The following SLC25A28 variants were observed in gnomAD, a reference collection of about 807,000 sequenced individuals.
The protein encoded by SLC25A28 is mitoferrin-2.
SLC25A28 carries 10 observed loss-of-function variants against 31.9 expected under a neutral mutation model. The observed-to-expected ratio is 0.31, with a 90% CI of 0.19 to 0.53. The LOEUF (loss-of-function observed/expected upper bound fraction) is 0.53. SLC25A28 is among the 20% of genes least tolerant of loss of function. SLC25A28 has a pLI of 0.95. For synonymous variants in SLC25A28, 208 were observed against 203.6 expected, an observed-to-expected ratio of 1.02 and a Z score of -0.19; for missense variants, 256 against 490.3, an observed-to-expected ratio of 0.52 and a Z score of 4.51.
chr10:99,642,339 G>C, the SLC25A28 span, among the ~76,000 whole-genome samples: 1 of 152,022 alleles, frequency 6.6e-6, no homozygotes, highest in Non-Finnish European at 1.5e-5. Context: ...ATTGTGTATG[G>C]TAGTTCACTC....
In SLC25A28 at chr10:99,612,608, A is replaced by G; in HGVS notation, c.521-9T>C. Reference sequence around the variant, plus strand: ...CACACACCCGGCCGCACCTGCAAACAAGAAAACAACTGCCACATGTAAGGC... The same window carrying G: ...CACACACCCGGCCGCACCTGCAAACGAGAAAACAACTGCCACATGTAAGGC... On this transcript the variant is annotated splice_polypyrimidine_tract_variant and intron_variant, in intron 2 of 3. Coordinates refer to ENST00000370495, the MANE Select transcript of SLC25A28 (RefSeq NM_031212.4). 1.2e-6 allele frequency: 2 copies of G among 1,614,148 alleles called. No homozygotes were observed. The highest frequency in any genetic ancestry group is 1.3e-5 in the African/African-American group (1 of 75,036).
the SLC25A28 span, among the ~76,000 whole-genome samples, chr10:99,635,272 T>A: frequency 6.6e-6 from 1 of 151,958 alleles, no homozygotes; most frequent in African/African-American, 2.4e-5. Context: ...AAAACCAAGG[T>A]ACACAGACCA....
chr10:99,642,992 A>G, the SLC25A28 span, among the ~76,000 whole-genome samples: 1 of 152,128 alleles, frequency 6.6e-6, no homozygotes, highest in African/African-American at 2.4e-5. Flanking sequence ...GGATTTTTGC[A>G]TCGATGTTCA....
intron 1 of SLC25A28, chr10:99,617,880 AAT>A: frequency 1.5e-6 from 1 of 683,498 alleles, no homozygotes; most frequent in Non-Finnish European, 1.8e-6. Flanking sequence ...TGTTCTTCAA[AAT>A]AGTTACCTTG....
In SLC25A28 at chr10:99,610,587, G is replaced by C; in HGVS notation, c.*262C>G. On this transcript the variant is annotated 3_prime_UTR_variant, in exon 4 of 4. Transcript: ENST00000370495. Reference sequence around the variant, plus strand: ...CTGCTTATCCCTCTATAACAGTCTAGAGCAGGTCATCAGGCCCAGGATGGA... The same window carrying C: ...CTGCTTATCCCTCTATAACAGTCTACAGCAGGTCATCAGGCCCAGGATGGA... 3.9e-6 allele frequency: 2 copies of C among 516,922 alleles called. No individual in the cohort carries two copies. Among genetic ancestry groups the C allele is most frequent in the Non-Finnish European group, 3.5e-6 (1 of 285,552 alleles). 32.0% of individuals were successfully genotyped at this position (516,922 alleles called of 1,614,324 possible).
the SLC25A28 span, among the ~76,000 whole-genome samples, chr10:99,659,259 G>A: frequency 1.4e-3 from 206 of 152,374 alleles, 1 homozygote; most frequent in African/African-American, 4.8e-3. This position sits in a 1 kb window ranked among gnomAD's most constrained non-coding sequence, Gnocchi z 4.1. Flanking sequence ...TGAGCTCTCC[G>A]CGGGCCCTGC....
chr10:99,652,605 T>C, the SLC25A28 span, among the ~76,000 whole-genome samples: 1 of 152,078 alleles, frequency 6.6e-6, no homozygotes, highest in Admixed American at 6.6e-5. Flanking sequence ...AATGACATGC[T>C]ACACATGAGG....
chr10:99,634,935 A>G, the SLC25A28 span, among the ~76,000 whole-genome samples: 2 of 152,252 alleles, frequency 1.3e-5, no homozygotes, highest in Non-Finnish European at 2.9e-5. Flanking sequence ...CATCAGATTA[A>G]CAGCAGATTT....
intron 1 of SLC25A28, chr10:99,619,087 G>T (rs1431528096): frequency 2.0e-6 from 2 of 985,248 alleles, no homozygotes; most frequent in Non-Finnish European, 2.4e-6. Context: ...GAACTGTAAA[G>T]AACAATAATC....
the SLC25A28 span, among the ~76,000 whole-genome samples, chr10:99,658,315 C>T: frequency 6.6e-6 from 1 of 152,124 alleles, no homozygotes; most frequent in East Asian, 1.9e-4. Flanking sequence ...GGTGGTCTTC[C>T]TCCCCGATCC....
At chr10:99,618,429 A>C in intron 1 of SLC25A28, 1 of 985,420 alleles carries the variant, frequency 1.0e-6, no homozygotes. Flanking sequence ...CCTGCACTCT[A>C]CTCACAGTCT....
At chr10:99,629,072 A>T in the SLC25A28 span, among the ~76,000 whole-genome samples, 1 of 152,278 alleles carries the variant, frequency 6.6e-6, no homozygotes, top group South Asian at 2.1e-4. Flanking sequence ...AAATCTCATG[A>T]TGAAATTTGA....
chr10:99,646,793 A>T, the SLC25A28 span, among the ~76,000 whole-genome samples: 1 of 152,202 alleles, frequency 6.6e-6, no homozygotes, highest in African/African-American at 2.4e-5. Context: ...ATTGTACCCA[A>T]CAGGTAATTT....
At chr10:99,617,966 G>T in intron 1 of SLC25A28, 1 of 267,718 alleles carries the variant, frequency 3.7e-6, no homozygotes, top group Non-Finnish European at 5.8e-6. Flanking sequence ...TTTCAGAGGT[G>T]TTTCCTCAAC....
chr10:99,646,447 G>C, the SLC25A28 span, among the ~76,000 whole-genome samples: 6 of 152,192 alleles, frequency 3.9e-5, no homozygotes, highest in East Asian at 1.2e-3. Flanking sequence ...AATTTTCCAG[G>C]TACCATCTGT....
the SLC25A28 span, among the ~76,000 whole-genome samples, chr10:99,634,760 G>A: frequency 2.6e-5 from 4 of 152,178 alleles, no homozygotes; most frequent in African/African-American, 9.7e-5. Context: ...CTTTGGTAGA[G>A]ACCTAGACAT....
rs1413418652 is a variant in SLC25A28 at position 99,611,633 on chromosome 10, T to C, written c.578-267A>G. Among the ~76,000 whole-genome samples, 1 of 152,110 alleles carries C rather than the reference T, an allele frequency of 6.6e-6. No homozygotes were observed. The highest frequency in any genetic ancestry group is 2.4e-5 in the African/African-American group (1 of 41,418). On this transcript the variant is annotated intron_variant, in intron 3 of 3. Transcript: ENST00000370495. This position sits in a 1 kb window ranked among gnomAD's most constrained non-coding sequence, Gnocchi z 5.5. Reference sequence around the variant, plus strand: ...AGCCAGTTCGCACACAGGACATATCTACAGTTTGGGAGCTTCAGAGAGTCT... The same window carrying C: ...AGCCAGTTCGCACACAGGACATATCCACAGTTTGGGAGCTTCAGAGAGTCT...
chr10:99,615,159 A>G (rs912093237), intron 1 of SLC25A28, among the ~76,000 whole-genome samples: 1 of 152,196 alleles, frequency 6.6e-6, no homozygotes, highest in Non-Finnish European at 1.5e-5. Context: ...GTTCGAGACC[A>G]GCCTAGCCAA....
the SLC25A28 span, among the ~76,000 whole-genome samples, chr10:99,635,276 C>T: frequency 6.6e-6 from 1 of 152,182 alleles, no homozygotes; most frequent in Non-Finnish European, 1.5e-5. Flanking sequence ...CCAAGGTACA[C>T]AGACCACAAA....
Sources: gnomAD v4.1 joint callset for allele counts (sites outside exome capture counted in the v4.1 genomes callset) on GRCh38, gnomAD v4.1.1 for gene constraint, Gnocchi (gnomAD v3.1) non-coding constraint, MANE v1.5 for transcripts, NCBI Gene and HGNC (gene_info 2026-07-23, HGNC 2026-07-21) for gene names.